PCDH9: variants seen among roughly 807,000 people sequenced by gnomAD.
PCDH9 encodes the protein protocadherin-9.
In PCDH9, 24 loss-of-function variants were observed where a neutral mutation model predicts 70.6. The ratio of observed to expected loss-of-function variants is 0.34; its 90% CI spans 0.25 to 0.48. The LOEUF is 0.48. Among genes scored for constraint, PCDH9 ranks in the 20% least tolerant of loss-of-function variants. The pLI is 0.99. For missense variants in PCDH9, 1,281 were observed against 1,503.6 expected (o/e 0.85, Z 2.45); for synonymous variants, 562 against 558.5 (o/e 1.01, Z -0.09).
intron 4 of PCDH9, among the ~76,000 whole-genome samples, chr13:66,452,212 G>A (rs1282370627): frequency 6.6e-6 from 1 of 152,202 alleles, no homozygotes; most frequent in Middle Eastern, 3.4e-3. Context: ...AGGAGAGGAT[G>A]GGACATTTTT....
At chr13:67,001,624 C>A (rs1385465513) in intron 2 of PCDH9, among the ~76,000 whole-genome samples, 1 of 152,010 alleles carries the variant, frequency 6.6e-6, no homozygotes, top group Non-Finnish European at 1.5e-5. Context: ...AGAGAGAGGG[C>A]AACATGGGAT....
chr13:66,829,665 C>T (rs1369210346), intron 3 of PCDH9, among the ~76,000 whole-genome samples: 1 of 137,170 alleles, frequency 7.3e-6, no homozygotes, highest in African/African-American at 2.8e-5. Flanking sequence ...TTGCAGTGAG[C>T]CGAGATCGCG....
In PCDH9 at chr13:66,891,189, T is replaced by C. The variant is rs1487459302; in HGVS notation, c.3138+12315A>G. ...TTATATTGCAAACTACCACCATTTG[T>C]TTATGTATTTTTCCAATCCATATCT... On this transcript the variant is annotated intron_variant, in intron 3 of 4. Coordinates refer to ENST00000377865, the MANE Select transcript of PCDH9 (RefSeq NM_203487.3). Among the ~76,000 whole-genome samples, 4 of 152,112 alleles carry C rather than the reference T, an allele frequency of 2.6e-5. No homozygotes were observed. The South Asian group carries it at 6.2e-4, about 24-fold the overall frequency.
chr13:66,791,631 G>A (rs1269556279), intron 3 of PCDH9, among the ~76,000 whole-genome samples: 2 of 152,034 alleles, frequency 1.3e-5, no homozygotes, highest in Non-Finnish European at 2.9e-5. Context: ...TTACATACAT[G>A]TAAATAATGT....
chr13:66,594,691 G>A (rs1176743913), intron 4 of PCDH9, among the ~76,000 whole-genome samples: 1 of 151,256 alleles, frequency 6.6e-6, no homozygotes, highest in Admixed American at 6.6e-5. Context: ...AGTGTGTGTT[G>A]TTCCCCTCCC....
chr13:66,387,625 C>T (rs1566287565), intron 4 of PCDH9, among the ~76,000 whole-genome samples: 1 of 151,896 alleles, frequency 6.6e-6, no homozygotes, highest in Admixed American at 6.6e-5. Context: ...GATACTGACT[C>T]CCTGTTGCCT....
In PCDH9 at chr13:66,690,743, T is replaced by C. The variant is rs116281560; in HGVS notation, c.3139-59332A>G. ...GTCAAAATCAGGGTCAGAAATAAGT[T>C]TCCTGGTTTTATTCCCTGAATTCTT... On this transcript the variant is annotated intron_variant, in intron 3 of 4. Coordinates refer to ENST00000377865, the MANE Select transcript of PCDH9 (RefSeq NM_203487.3). Among the ~76,000 whole-genome samples, 275 of 152,252 alleles carry C rather than the reference T, an allele frequency of 1.8e-3. 1 individual carries two copies. Among genetic ancestry groups the C allele is most frequent in the African/African-American group, 6.5e-3 (270 of 41,560 alleles).
At chr13:67,196,039 C>A (rs2138036618) in intron 2 of PCDH9, among the ~76,000 whole-genome samples, 1 of 152,266 alleles carries the variant, frequency 6.6e-6, no homozygotes, top group Admixed American at 6.5e-5. Flanking sequence ...GGAGAGGTGA[C>A]ACTGAAGTGG....
chr13:66,498,720 ATTT>A (rs1024669748), intron 4 of PCDH9, among the ~76,000 whole-genome samples: 1 of 151,926 alleles, frequency 6.6e-6, no homozygotes, highest in Non-Finnish European at 1.5e-5. Context: ...TCCTGAAAAA[ATTT>A]TTTTTTAATG....
At chr13:67,077,177 C>T (rs986901564) in intron 2 of PCDH9, among the ~76,000 whole-genome samples, 1 of 152,144 alleles carries the variant, frequency 6.6e-6, no homozygotes, top group Non-Finnish European at 1.5e-5. Context: ...AATCAAAGCT[C>T]CCACTCCCTG....
intron 3 of PCDH9, among the ~76,000 whole-genome samples, chr13:66,860,184 T>C (rs2081458964): frequency 6.6e-6 from 1 of 152,150 alleles, no homozygotes. Flanking sequence ...GTGGCGTCTG[T>C]TTTTGGCTAG....
At chr13:66,734,662 G>T (rs752029003) in intron 3 of PCDH9, among the ~76,000 whole-genome samples, 4 of 152,070 alleles carry the variant, frequency 2.6e-5, no homozygotes, top group Non-Finnish European at 4.4e-5. Context: ...TCAAATTTTT[G>T]ATGAATAATC....
At chr13:67,152,896 G>T (rs927660639) in intron 2 of PCDH9, among the ~76,000 whole-genome samples, 2 of 152,052 alleles carry the variant, frequency 1.3e-5, no homozygotes, top group African/African-American at 2.4e-5. Context: ...TGAGGCTTAG[G>T]CCTCAAGGAA....
chr13:66,849,602 C>T (rs1396115303), intron 3 of PCDH9, among the ~76,000 whole-genome samples: 1 of 147,932 alleles, frequency 6.8e-6, no homozygotes, highest in Non-Finnish European at 1.5e-5. Flanking sequence ...GAGAACTGTG[C>T]CGCTTTAAGG....
chr13:67,061,969 G>C (rs1332592908), intron 2 of PCDH9, among the ~76,000 whole-genome samples: 1 of 152,178 alleles, frequency 6.6e-6, no homozygotes, highest in Non-Finnish European at 1.5e-5. Flanking sequence ...TACAGGGCTA[G>C]TAGGCGGTAA....
intron 2 of PCDH9, among the ~76,000 whole-genome samples, chr13:67,168,026 T>C (rs142722034): frequency 2.6e-5 from 4 of 152,180 alleles, no homozygotes; most frequent in East Asian, 1.9e-4. Flanking sequence ...CAGTGATAGA[T>C]AACAAAAGCT....
chr13:66,609,843 T>G (rs1016242784), intron 4 of PCDH9, among the ~76,000 whole-genome samples: 1 of 152,088 alleles, frequency 6.6e-6, no homozygotes, highest in Non-Finnish European at 1.5e-5. Context: ...TACACAAGTC[T>G]TTTTCCAAAT....
At chr13:66,686,690 C>A (rs1593894028) in intron 3 of PCDH9, among the ~76,000 whole-genome samples, 1 of 152,140 alleles carries the variant, frequency 6.6e-6, no homozygotes, top group South Asian at 2.1e-4. Context: ...CACTTTACCA[C>A]ATTTGCTAAT....
intron 2 of PCDH9, among the ~76,000 whole-genome samples, chr13:66,909,986 T>C (rs926928739): frequency 6.6e-6 from 1 of 152,128 alleles, no homozygotes; most frequent in Non-Finnish European, 1.5e-5. Context: ...TTCAATACTC[T>C]CTTGACCCTA....
Sources: gnomAD v4.1 joint callset for allele counts (sites outside exome capture counted in the v4.1 genomes callset) on GRCh38, gnomAD v4.1.1 for gene constraint, MANE v1.5 for transcripts, NCBI Gene and HGNC (gene_info 2026-07-23, HGNC 2026-07-21) for gene names.